GPR15LG: variants seen among roughly 807,000 people sequenced by gnomAD.
GPR15LG encodes G protein-coupled receptor 15 ligand.
the GPR15LG span, chr10:84,176,581 C>G: frequency 1.2e-6 from 2 of 1,603,536 alleles, no homozygotes; most frequent in East Asian, 2.2e-5. Flanking sequence ...TAAGTACCCC[C>G]ACCTCGTCCA....
At chr10:84,179,684 T>A in the GPR15LG span, among the ~76,000 whole-genome samples, 1 of 152,254 alleles carries the variant, frequency 6.6e-6, no homozygotes, top group East Asian at 1.9e-4. Flanking sequence ...TGCTGAATAC[T>A]GACTACTCCT....
the GPR15LG span, among the ~76,000 whole-genome samples, chr10:84,178,602 C>A: frequency 6.6e-6 from 1 of 151,780 alleles, no homozygotes; most frequent in Non-Finnish European, 1.5e-5. Flanking sequence ...ACACACTACA[C>A]TCCTATGCTA....
the GPR15LG span, among the ~76,000 whole-genome samples, chr10:84,181,544 C>T: frequency 6.6e-6 from 1 of 152,164 alleles, no homozygotes; most frequent in South Asian, 2.1e-4. Flanking sequence ...GCTTCAGCCT[C>T]CCCAGTAGCT....
the GPR15LG span, among the ~76,000 whole-genome samples, chr10:84,183,326 A>T: frequency 6.6e-6 from 1 of 152,166 alleles, no homozygotes; most frequent in Non-Finnish European, 1.5e-5. Flanking sequence ...AATTTAAATA[A>T]TCTGGCTCAC....
At chr10:84,185,264 T>A in the GPR15LG span, 1 of 174,160 alleles carries the variant, frequency 5.7e-6, no homozygotes, top group South Asian at 1.5e-4. Context: ...AAACAAGTAA[T>A]AAATAAATAA....
the GPR15LG span, among the ~76,000 whole-genome samples, chr10:84,177,064 A>G: frequency 1.3e-5 from 2 of 152,322 alleles, no homozygotes; most frequent in East Asian, 3.9e-4. Context: ...GGTCACCAGC[A>G]GGGGAGTGGG....
the GPR15LG span, chr10:84,184,786 C>T: frequency 1.2e-6 from 2 of 1,613,414 alleles, no homozygotes; most frequent in African/African-American, 1.3e-5. Context: ...AGCAAGACTC[C>T]AGACAGCGGA....
the GPR15LG span, among the ~76,000 whole-genome samples, chr10:84,179,480 G>C: frequency 0.023 from 3,440 of 152,314 alleles, 111 homozygotes; most frequent in African/African-American, 0.077. Flanking sequence ...GGAGGGAGAT[G>C]AATCAGTGTT....
chr10:84,181,044 C>T, the GPR15LG span, among the ~76,000 whole-genome samples: 3 of 143,868 alleles, frequency 2.1e-5, no homozygotes, highest in South Asian at 6.5e-4. Flanking sequence ...CAGTACAGTC[C>T]AGCCTTGGCT....
chr10:84,184,977 C>T, the GPR15LG span: 2 of 1,403,806 alleles, frequency 1.4e-6, no homozygotes, highest in East Asian at 2.8e-5. Context: ...CATGAGCCAA[C>T]CTCACCCCAC....
the GPR15LG span, chr10:84,184,663 A>C: frequency 6.2e-7 from 1 of 1,612,856 alleles, no homozygotes; most frequent in East Asian, 2.2e-5. Context: ...CCTCTTGTCT[A>C]CTCATTGCTC....
the GPR15LG span, among the ~76,000 whole-genome samples, chr10:84,174,486 T>C: frequency 7.1e-6 from 1 of 140,468 alleles, no homozygotes. Flanking sequence ...TGCCCTTTTT[T>C]CTTTTTTCTT....
chr10:84,178,296 CACAA>C, the GPR15LG span, among the ~76,000 whole-genome samples: 1 of 151,668 alleles, frequency 6.6e-6, no homozygotes, highest in East Asian at 1.9e-4. Flanking sequence ...ACACTATACA[CACAA>C]ACACACTACA....
At chr10:84,181,778 G>A in the GPR15LG span, among the ~76,000 whole-genome samples, 1 of 152,174 alleles carries the variant, frequency 6.6e-6, no homozygotes, top group African/African-American at 2.4e-5. Flanking sequence ...GGCTCTTTAC[G>A]GGTGTCAAGC....
chr10:84,180,332 C>T, the GPR15LG span, among the ~76,000 whole-genome samples: 1 of 152,262 alleles, frequency 6.6e-6, no homozygotes, highest in Non-Finnish European at 1.5e-5. Flanking sequence ...CCCACATTTC[C>T]CCCTTTCCTA....
the GPR15LG span, among the ~76,000 whole-genome samples, chr10:84,182,724 G>A: frequency 1.3e-5 from 2 of 152,184 alleles, no homozygotes; most frequent in East Asian, 1.9e-4. Context: ...CCAGATTTTA[G>A]GAGCAGGCAA....
chr10:84,178,155 A>G, the GPR15LG span, among the ~76,000 whole-genome samples: 1 of 151,668 alleles, frequency 6.6e-6, no homozygotes, highest in Non-Finnish European at 1.5e-5. Flanking sequence ...AGACACATAT[A>G]CACAGCACAA....
chr10:84,179,198 C>T, the GPR15LG span, among the ~76,000 whole-genome samples: 6 of 152,352 alleles, frequency 3.9e-5, no homozygotes, highest in South Asian at 2.1e-4. Flanking sequence ...TCAGTCTCCC[C>T]CTCTGTGAAG....
At chr10:84,184,746 G>C in the GPR15LG span, 1 of 1,613,772 alleles carries the variant, frequency 6.2e-7, no homozygotes, top group Non-Finnish European at 8.5e-7. Context: ...GGTGGTGCCT[G>C]GGGCACTCCC....
Sources: gnomAD v4.1 joint callset for allele counts (sites outside exome capture counted in the v4.1 genomes callset) on GRCh38, gnomAD v4.1.1 for gene constraint, MANE v1.5 for transcripts, NCBI Gene and HGNC (gene_info 2026-07-23, HGNC 2026-07-21) for gene names.